NOL4L: variants seen among roughly 807,000 people sequenced by gnomAD.
The protein encoded by NOL4L is nucleolar protein 4-like.
NOL4L carries 7 observed loss-of-function variants against 64.5 expected under a neutral mutation model. That is an observed-to-expected ratio of 0.11 (90% CI 0.06 to 0.20). The LOEUF is 0.20. Among genes scored for constraint, NOL4L ranks in the 10% least tolerant of loss-of-function variants. The probability of loss-of-function intolerance (pLI) is 1.00; values close to 1 mark genes in which losing one functional copy is unlikely to be tolerated. For synonymous variants in NOL4L, 413 were observed against 401.0 expected (o/e 1.03, Z -0.36); for missense variants, 680 against 967.1 (o/e 0.70, Z 3.94).
At chr20:32,457,653 A>G (rs949966156) in intron 5 of NOL4L, among the ~76,000 whole-genome samples, 1 of 152,092 alleles carries the variant, frequency 6.6e-6, no homozygotes, top group Non-Finnish European at 1.5e-5. Context: ...GGGGGATGGG[A>G]GGCCACGGCG....
intron 4 of NOL4L, among the ~76,000 whole-genome samples, chr20:32,490,584 ACAGT>A (rs1014346512): frequency 2.0e-5 from 3 of 152,212 alleles, no homozygotes; most frequent in East Asian, 1.9e-4. Context: ...CTGCAACCTC[ACAGT>A]CAGTTTGACA....
intron 4 of NOL4L, among the ~76,000 whole-genome samples, chr20:32,498,420 T>TAA (rs11482808): frequency 7.6e-4 from 111 of 145,460 alleles, no homozygotes; most frequent in South Asian, 3.3e-3. Flanking sequence ...TCTGTTCTCT[T>TAA]AAAAAAAAAA....
intron 4 of NOL4L, among the ~76,000 whole-genome samples, chr20:32,481,765 G>C (rs1176348803): frequency 6.6e-6 from 1 of 152,206 alleles, no homozygotes; most frequent in Non-Finnish European, 1.5e-5. Context: ...TTACTACCCG[G>C]GGGGCTAAAC....
At chr20:32,484,277 G>C (rs2015944749) in intron 4 of NOL4L, among the ~76,000 whole-genome samples, 2 of 152,158 alleles carry the variant, frequency 1.3e-5, no homozygotes, top group African/African-American at 4.8e-5. Flanking sequence ...CCCGGGCTGG[G>C]AAAGCCAGGC....
At chr20:32,492,641 C>T (rs1235330120) in intron 4 of NOL4L, among the ~76,000 whole-genome samples, 3 of 152,318 alleles carry the variant, frequency 2.0e-5, no homozygotes, top group South Asian at 2.1e-4. Context: ...GCCTGGAGCT[C>T]GCTGTAGTCG....
chr20:32,488,825 CTTTTTCTTTCTT>C (rs1454676671), intron 4 of NOL4L, among the ~76,000 whole-genome samples: 471 of 37,874 alleles, frequency 0.012, 26 homozygotes, highest in Non-Finnish European at 0.015. Context: ...TTCTTTCTTT[CTTTTTCTTTCTT>C]TCTTTCTTTC....
rs529801618 is a variant in NOL4L at position 32,519,203 on chromosome 20, A to C, written c.589+1608T>G. ...GCCCCTCGTGCTTTGAAGTTGGCCC[A>C]TGTGCCCAATGAAACAGCCGTGGCC... On this transcript the variant is annotated intron_variant, in intron 3 of 10. Transcript: ENST00000621426. Among the ~76,000 whole-genome samples, 3 of 152,292 alleles carry C rather than the reference A, an allele frequency of 2.0e-5. No homozygotes were observed. In the South Asian group the frequency reaches 6.2e-4, roughly 32 times the overall value.
At chr20:32,574,626 A>G (rs1568721769) in intron 1 of NOL4L, among the ~76,000 whole-genome samples, 1 of 152,040 alleles carries the variant, frequency 6.6e-6, no homozygotes, top group Non-Finnish European at 1.5e-5. Context: ...GTCTCCTTGA[A>G]CATTTCCTCA....
intron 4 of NOL4L, among the ~76,000 whole-genome samples, chr20:32,489,125 A>T (rs2016350404): frequency 1.4e-5 from 2 of 142,230 alleles, no homozygotes; most frequent in African/African-American, 2.6e-5. Flanking sequence ...ATATCATCTG[A>T]TTTTTTTTTT....
At chr20:32,462,267 C>T (rs893280116) in intron 5 of NOL4L, among the ~76,000 whole-genome samples, 5 of 152,182 alleles carry the variant, frequency 3.3e-5, no homozygotes, top group Non-Finnish European at 5.9e-5. Context: ...TTGGTTAGGC[C>T]GGCTAGAGGC....
At chr20:32,487,068 A>G (rs934272519) in intron 4 of NOL4L, among the ~76,000 whole-genome samples, 7 of 152,194 alleles carry the variant, frequency 4.6e-5, no homozygotes, top group African/African-American at 1.7e-4. Flanking sequence ...CAGGGGTTCG[A>G]GACCAGCCTG....
intron 4 of NOL4L, among the ~76,000 whole-genome samples, chr20:32,504,790 G>A (rs1055498921): frequency 6.6e-6 from 1 of 152,020 alleles, no homozygotes; most frequent in Non-Finnish European, 1.5e-5. Flanking sequence ...TTTTAGAAAT[G>A]GAGTTTCCTC....
rs1350840167 is a variant in NOL4L, at chr20:32,464,224, C to T, written c.842-7829G>A. On this transcript the variant is annotated intron_variant, in intron 5 of 10. Transcript: ENST00000621426. This position sits in a 1 kb window ranked among gnomAD's most constrained non-coding sequence, Gnocchi z 5.6. ...GCCCCCTGCCTGCTTTGACAAAGGC[C>T]AGCGCCCAGGCTGTGTTTACACGAT... Among the ~76,000 whole-genome samples the T allele has an allele frequency of 6.6e-6, 1 of 152,190 alleles. No homozygotes were observed. Among genetic ancestry groups the T allele is most frequent in the Non-Finnish European group, 1.5e-5 (1 of 68,030 alleles).
At chr20:32,504,401 A>G (rs1194327803) in intron 4 of NOL4L, among the ~76,000 whole-genome samples, 2 of 152,068 alleles carry the variant, frequency 1.3e-5, no homozygotes, top group African/African-American at 4.8e-5. Context: ...TCTAATAAAA[A>G]TACAAAAAAT....
In NOL4L at chr20:32,584,562, G is replaced by C; in HGVS notation, c.321+8C>G. On this transcript the variant is annotated splice_region_variant and intron_variant, in intron 1 of 10. Coordinates refer to ENST00000621426, the MANE Select transcript of NOL4L (RefSeq NM_001256798.2). ...GGACCCGCCCGCGGCCGCCGCGCGC[G>C]CACTCACCGAGCCCGTCTTGACCGG... 7.8e-7 allele frequency: 1 copy of C among 1,279,944 alleles called. No homozygotes were observed. The allele number at this position is 1,279,944 out of a possible 1,614,324, so 79.3% of individuals were successfully genotyped here.
chr20:32,505,744 T>C (rs1482752494), intron 4 of NOL4L, among the ~76,000 whole-genome samples: 1 of 152,118 alleles, frequency 6.6e-6, no homozygotes, highest in African/African-American at 2.4e-5. Flanking sequence ...AATAAAGTTC[T>C]GACACATGCT....
At chr20:32,577,965 GC>G (rs1980218286) in intron 1 of NOL4L, among the ~76,000 whole-genome samples, 1 of 152,006 alleles carries the variant, frequency 6.6e-6, no homozygotes, top group Non-Finnish European at 1.5e-5. Flanking sequence ...ACATTTGGGG[GC>G]CCTACGTGCA....
At chr20:32,583,075 C>T (rs1398599857) in intron 1 of NOL4L, among the ~76,000 whole-genome samples, 3 of 152,132 alleles carry the variant, frequency 2.0e-5, no homozygotes, top group Non-Finnish European at 4.4e-5. Flanking sequence ...CCCGGCGCGC[C>T]CCTCTGCCCG....
chr20:32,558,378 G>A (rs1268778534), intron 1 of NOL4L, among the ~76,000 whole-genome samples: 3 of 152,226 alleles, frequency 2.0e-5, no homozygotes, highest in Non-Finnish European at 4.4e-5. Context: ...GATCAGATCT[G>A]GGGAGGGCAT....
Sources: gnomAD v4.1 joint callset for allele counts (sites outside exome capture counted in the v4.1 genomes callset) on GRCh38, gnomAD v4.1.1 for gene constraint, Gnocchi (gnomAD v3.1) non-coding constraint, MANE v1.5 for transcripts, NCBI Gene and HGNC (gene_info 2026-07-23, HGNC 2026-07-21) for gene names.